CADPS: variants seen among roughly 807,000 people sequenced by gnomAD.
CADPS encodes calcium dependent secretion activator.
Under a neutral mutation model 167.3 loss-of-function variants are expected in CADPS, and 57 were observed. That is an observed-to-expected ratio of 0.34 (90% CI 0.28 to 0.42). The LOEUF is 0.42. Ranked by LOEUF, CADPS falls within the 20% of genes least tolerant of loss-of-function variation. The pLI is 1.00. For missense variants in CADPS, 1,414 were observed against 1,738.1 expected, an observed-to-expected ratio of 0.81 and a Z score of 3.32; for synonymous variants, 676 against 635.3, an observed-to-expected ratio of 1.06 and a Z score of -0.96.
At chr3:62,746,796 T>C (rs919611997) in intron 3 of CADPS, among the ~76,000 whole-genome samples, 2 of 152,150 alleles carry the variant, frequency 1.3e-5, no homozygotes, top group Admixed American at 6.5e-5. Flanking sequence ...CTGTTGAGCC[T>C]CCAGATGTGA....
At chr3:62,723,018 T>C (rs1176889953) in intron 3 of CADPS, among the ~76,000 whole-genome samples, 1 of 152,176 alleles carries the variant, frequency 6.6e-6, no homozygotes, top group Non-Finnish European at 1.5e-5. Flanking sequence ...TAGCAGCTAA[T>C]TTTATTCATT....
chr3:62,623,544 TAAG>T (rs1403028849), intron 6 of CADPS, among the ~76,000 whole-genome samples: 1 of 152,150 alleles, frequency 6.6e-6, no homozygotes, highest in Non-Finnish European at 1.5e-5. Flanking sequence ...TTTTGGCATA[TAAG>T]AAGATAATAT....
chr3:62,532,085 G>C (rs561155227), intron 13 of CADPS, among the ~76,000 whole-genome samples: 1 of 152,266 alleles, frequency 6.6e-6, no homozygotes, highest in East Asian at 1.9e-4. Context: ...GCTTCACCTA[G>C]CTTGCTTCAG....
At chr3:62,522,722 C>T (rs2070997766) in intron 13 of CADPS, among the ~76,000 whole-genome samples, 1 of 152,214 alleles carries the variant, frequency 6.6e-6, no homozygotes, top group Non-Finnish European at 1.5e-5. Context: ...GCTTTAGAAA[C>T]ACATACACAC....
intron 9 of CADPS, among the ~76,000 whole-genome samples, chr3:62,569,694 C>T (rs185038772): frequency 7.2e-4 from 109 of 152,322 alleles, no homozygotes; most frequent in African/African-American, 2.5e-3. Flanking sequence ...ATTGGTAGCA[C>T]TCTAAATATT....
At chr3:62,429,320 A>G (rs539192687) in intron 28 of CADPS, among the ~76,000 whole-genome samples, 6 of 152,314 alleles carry the variant, frequency 3.9e-5, no homozygotes, top group East Asian at 3.9e-4. Context: ...CTGAGACTAT[A>G]TATCTCTTAC....
chr3:62,495,768 A>T (rs1209955695), intron 18 of CADPS, among the ~76,000 whole-genome samples: 1 of 152,240 alleles, frequency 6.6e-6, no homozygotes, highest in African/African-American at 2.4e-5. Context: ...TCGTGTGTGT[A>T]TGTTTGTGAA....
chr3:62,799,347 T>C (rs2093630128), intron 1 of CADPS, among the ~76,000 whole-genome samples: 1 of 152,186 alleles, frequency 6.6e-6, no homozygotes, highest in African/African-American at 2.4e-5. Context: ...GCTCTAACTC[T>C]GGAGGCAGAC....
intron 28 of CADPS, among the ~76,000 whole-genome samples, chr3:62,418,303 TTTTTC>T (rs1052876202): frequency 5.1e-4 from 77 of 150,736 alleles, no homozygotes; most frequent in Non-Finnish European, 1.0e-3. Flanking sequence ...ACATGTTTTC[TTTTTC>T]TTTTCTTTTT....
intron 5 of CADPS, among the ~76,000 whole-genome samples, chr3:62,646,748 CA>C (rs1406737145): frequency 6.6e-6 from 1 of 152,176 alleles, no homozygotes; most frequent in Non-Finnish European, 1.5e-5. Context: ...CCAGATACTC[CA>C]ATTTTGCCTT....
chr3:62,564,454 T>A (rs1348007345), intron 9 of CADPS, among the ~76,000 whole-genome samples: 1 of 152,156 alleles, frequency 6.6e-6, no homozygotes, highest in Non-Finnish European at 1.5e-5. Context: ...TGACGAACAC[T>A]TTGTAAACTC....
In CADPS at chr3:62,549,904, A is replaced by G. The variant is rs933951770; in HGVS notation, c.1965T>C (p.Phe655=). Residue 655 remains phenylalanine (F), a splice_region_variant and synonymous_variant, in exon 11 of 30, where the codon TTT becomes TTC. Transcript: ENST00000383710. ...VPQLDAPISQ[F]YADRAQKHGM... is the part of the protein sequence containing the mutation. ...TTGTAAAACGGCATATTTACTTACA[A>G]AATTGAGAGATAGGGGCATCCAGCT... is the stretch of plus-strand genomic sequence containing the variant. 3.1e-6 allele frequency: 5 copies of G among 1,612,948 alleles called. No individual in the cohort carries two copies. Among genetic ancestry groups the G allele is most frequent in the Non-Finnish European group, 4.2e-6 (5 of 1,179,048 alleles).
chr3:62,613,768 G>A (rs916069515), intron 6 of CADPS, among the ~76,000 whole-genome samples: 5 of 152,132 alleles, frequency 3.3e-5, no homozygotes, highest in Non-Finnish European at 7.3e-5. Flanking sequence ...GATGAAATCG[G>A]GTAAAACCGA....
At chr3:62,470,820 C>A (rs2060506477) in intron 24 of CADPS, 1 of 150,758 alleles carries the variant, frequency 6.6e-6, no homozygotes, top group Middle Eastern at 3.4e-3. Flanking sequence ...TAAAGATATT[C>A]AGTCTAGATG....
chr3:62,588,508 T>C (rs1433507041), intron 7 of CADPS, among the ~76,000 whole-genome samples: 1 of 152,132 alleles, frequency 6.6e-6, no homozygotes, highest in Non-Finnish European at 1.5e-5. Flanking sequence ...ACAGGCATTC[T>C]CTTATGCCTT....
intron 6 of CADPS, among the ~76,000 whole-genome samples, chr3:62,604,193 T>C (rs2060375621): frequency 6.6e-6 from 1 of 152,148 alleles, no homozygotes; most frequent in South Asian, 2.1e-4. Context: ...GTTGATGCAC[T>C]GAGTAAAAGA....
chr3:62,654,206 G>A (rs1253325685), intron 4 of CADPS, among the ~76,000 whole-genome samples: 4 of 152,134 alleles, frequency 2.6e-5, no homozygotes, highest in Non-Finnish European at 4.4e-5. Flanking sequence ...AACATTTACT[G>A]CCACAAACAC....
chr3:62,426,314 C>T (rs2052661096), intron 28 of CADPS, among the ~76,000 whole-genome samples: 2 of 152,110 alleles, frequency 1.3e-5, no homozygotes, highest in African/African-American at 2.4e-5. Flanking sequence ...CCATGCTCAG[C>T]TAATTTTTGT....
intron 1 of CADPS, among the ~76,000 whole-genome samples, chr3:62,830,589 A>C (rs1305233418): frequency 3.9e-5 from 6 of 151,996 alleles, no homozygotes; most frequent in Admixed American, 6.6e-5. Context: ...GTAATTAGAA[A>C]CCCCACAATG....
Sources: gnomAD v4.1 joint callset for allele counts (sites outside exome capture counted in the v4.1 genomes callset) on GRCh38, gnomAD v4.1.1 for gene constraint, MANE v1.5 for transcripts, NCBI Gene and HGNC (gene_info 2026-07-23, HGNC 2026-07-21) for gene names.